PTH1R: variants seen among roughly 807,000 people sequenced by gnomAD.
PTH1R encodes parathyroid hormone 1 receptor, also known as parathyroid hormone/parathyroid hormone-related peptide receptor.
PTH1R carries 32 observed loss-of-function variants against 70.7 expected under a neutral mutation model. That is an observed-to-expected ratio of 0.45 (90% confidence interval 0.34 to 0.61). PTH1R has a LOEUF of 0.61. Ranked by LOEUF, PTH1R falls within the 20% of genes least tolerant of loss-of-function variation. The pLI is 0.01. For missense variants in PTH1R, 626 were observed against 792.5 expected, an observed-to-expected ratio of 0.79 and a Z score of 2.52; for synonymous variants, 329 against 324.8, an observed-to-expected ratio of 1.01 and a Z score of -0.14.
chr3:46,900,894 G>T, intron 10 of PTH1R, 131 bp from the exon 11 acceptor site: 2 of 1,008,996 alleles, frequency 2.0e-6, no homozygotes, highest in Admixed American at 4.0e-5. Context: ...CTGTCACCAA[G>T]TGGACCAAGT....
Position 46,901,855 on chromosome 3 carries a change from G to A in PTH1R, c.1206G>A (p.Gln402=). The A allele has an allele frequency of 1.2e-6, 2 of 1,613,364 alleles. No homozygotes were observed. Among genetic ancestry groups the A allele is most frequent in the Non-Finnish European group, 1.7e-6 (2 of 1,179,606 alleles). Residue 402 remains glutamine, a synonymous_variant, in exon 13 of 16, where the codon CAG becomes CAA. Transcript: ENST00000449590. The surrounding 1 kb of genome is among the most constrained non-coding windows in gnomAD (Gnocchi z 7.3). Reference sequence around the variant, plus strand: ...CCGGCCGGTGTGACACACGGCAGCAGTACCGGTGAGCCCACCATGCCTGCC... The same window carrying A: ...CCGGCCGGTGTGACACACGGCAGCAATACCGGTGAGCCCACCATGCCTGCC... ...TNAGRCDTRQ[Q]YRKLLKSTLV...
Position 46,893,705 on chromosome 3 carries a change from C to A in PTH1R, c.76-202C>A, listed in dbSNP as rs796473065. On this transcript the variant is annotated intron_variant, in intron 3 of 15. Coordinates refer to ENST00000449590, the MANE Select transcript of PTH1R (RefSeq NM_000316.3). This position sits in a 1 kb window ranked among gnomAD's most constrained non-coding sequence, Gnocchi z 5.2. ...TGCTTTTTCCCTTCGATCAGGCAGG[C>A]CCTACCCCTCAGAGCCACAGCTTCC... Among the ~76,000 whole-genome samples, 1 of 152,198 alleles carries A rather than the reference C, an allele frequency of 6.6e-6. No individual in the cohort carries two copies. Among genetic ancestry groups the A allele is most frequent in the African/African-American group, 2.4e-5 (1 of 41,442 alleles).
intron 2 of PTH1R, among the ~76,000 whole-genome samples, chr3:46,881,636 A>T (rs2030573175): frequency 6.6e-6 from 1 of 151,424 alleles, no homozygotes; most frequent in South Asian, 2.1e-4. Context: ...GTGGCTGCAG[A>T]CCTGGGCGGG....
At position 46,902,933 on chromosome 3, in the gene PTH1R, G is replaced by T; in HGVS notation, c.1395+143G>T. On this transcript the variant is annotated intron_variant, in intron 15 of 15. Transcript: ENST00000449590. This position sits in a 1 kb window ranked among gnomAD's most constrained non-coding sequence, Gnocchi z 5.4. ...CTGAGGACATTCTGAAAGCAGAGAAGTCTTTCCAGATGATGCAGGTTCAGG... is the reference window on the plus strand; with the variant it reads ...CTGAGGACATTCTGAAAGCAGAGAATTCTTTCCAGATGATGCAGGTTCAGG... 1 of 1,280,278 alleles carries T rather than the reference G, an allele frequency of 7.8e-7. No homozygotes were observed. 79.3% of individuals were successfully genotyped at this position (1,280,278 alleles called of 1,614,324 possible).
At chr3:46,887,602 G>A (rs528159193) in intron 3 of PTH1R, among the ~76,000 whole-genome samples, 1 of 152,136 alleles carries the variant, frequency 6.6e-6, no homozygotes, top group African/African-American at 2.4e-5. Flanking sequence ...TCCTCTTTCT[G>A]TGTGTTTCCA....
rs1307283555 is a variant in PTH1R, at chr3:46,882,737, C to G, written c.-48-775C>G. ...CCGCTGGAAGAACTGAGGCCAAGGC[C>G]GGGGGAGCTAGAGACGGACTGACAG... On this transcript the variant is annotated intron_variant, in intron 2 of 15. Coordinates refer to ENST00000449590, the MANE Select transcript of PTH1R (RefSeq NM_000316.3). This position sits in a 1 kb window ranked among gnomAD's most constrained non-coding sequence, Gnocchi z 4.3. Among the ~76,000 whole-genome samples the G allele has an allele frequency of 1.3e-5, 2 of 152,020 alleles. No individual in the cohort carries two copies. The highest frequency in any genetic ancestry group is 2.9e-5 in the Non-Finnish European group (2 of 67,986).
At position 46,892,653 on chromosome 3, in the gene PTH1R, C is replaced by A. The variant is rs1411013788; in HGVS notation, c.76-1254C>A. 2.4e-6 allele frequency: 2 copies of A among 823,334 alleles called. No homozygotes were observed. The highest frequency in any genetic ancestry group is 2.5e-4 in the East Asian group (2 of 8,066). 51.0% of individuals were successfully genotyped at this position (823,334 alleles called of 1,614,324 possible). A position where few individuals can be genotyped will look rare whatever the true frequency, so the allele number is the denominator to read the frequency against. ...TCTGACCCGGCCTGCCCGCCCCTCT[C>A]GCCGGTGCCCGCCCCATGCCCGACC... On this transcript the variant is annotated intron_variant, in intron 3 of 15. Coordinates refer to ENST00000449590, the MANE Select transcript of PTH1R (RefSeq NM_000316.3). This position sits in a 1 kb window ranked among gnomAD's most constrained non-coding sequence, Gnocchi z 5.2.
chr3:46,903,476 G>A lies in PTH1R; in HGVS notation c.1602G>A (p.Leu534=). The change falls in exon 16 of 16, where the codon CTG becomes CTA. Residue 534 remains leucine, a synonymous_variant. Coordinates refer to ENST00000449590, the MANE Select transcript of PTH1R (RefSeq NM_000316.3). This position sits in a 1 kb window ranked among gnomAD's most constrained non-coding sequence, Gnocchi z 4.4. ...CCACCACCAACGGCCACCCTCAGCT[G>A]CCTGGCCATGCCAAGCCAGGGACCC... ...PTATTNGHPQ[L]PGHAKPGTPA... is the part of the protein sequence containing the mutation. 1 of 1,613,678 alleles carries A rather than the reference G, an allele frequency of 6.2e-7. No homozygotes were observed. The highest frequency in any genetic ancestry group is 1.3e-5 in the African/African-American group (1 of 75,066).
rs201475759 is a variant in PTH1R at position 46,893,982 on chromosome 3, C to T, written c.151C>T (p.Arg51Trp). The stretch of plus-strand genomic sequence containing the variant: ...CCGTGCTCAGGCCCAGTGCGAAAAA[C>T]GGCTCAAGGAGGTCCTGCAGAGGCC... ...LHRAQAQCEK[R>W]LKEVLQRPAS... The change falls in exon 4 of 16, where the codon CGG (arginine) becomes TGG (tryptophan). Residue 51 changes from arginine (R) to tryptophan (W), a missense_variant. This residue lies in a region of PTH1R where 123 missense variants were observed against 125.7 expected (regional missense o/e 0.98). Transcript: ENST00000449590. This position sits in a 1 kb window ranked among gnomAD's most constrained non-coding sequence, Gnocchi z 5.2. 29 of 1,614,102 alleles carry T rather than the reference C, an allele frequency of 1.8e-5. No individual in the cohort carries two copies. The highest frequency in any genetic ancestry group is 2.2e-5 in the Non-Finnish European group (26 of 1,179,994).
chr3:46,898,509 G>C (rs1347259816), intron 8 of PTH1R, 37 bp downstream of exon 8: 1 of 1,609,574 alleles, frequency 6.2e-7, no homozygotes, highest in South Asian at 1.1e-5. Flanking sequence ...GGGACATGGT[G>C]GAGGGGGGGC....
At chr3:46,887,777 A>G (rs2031131620) in intron 3 of PTH1R, among the ~76,000 whole-genome samples, 1 of 152,216 alleles carries the variant, frequency 6.6e-6, no homozygotes, top group African/African-American at 2.4e-5. Context: ...ATATGAATCT[A>G]TATTTTTAAA....
At chr3:46,895,989 C>T in intron 5 of PTH1R, 120 bp downstream of exon 5, 4 of 1,307,372 alleles carry the variant, frequency 3.1e-6, no homozygotes, top group Non-Finnish European at 4.3e-6. Context: ...AAGGCTGCAG[C>T]CACATCCCCA....
intron 3 of PTH1R, among the ~76,000 whole-genome samples, chr3:46,890,280 G>T (rs984346207): frequency 6.6e-6 from 1 of 152,010 alleles, no homozygotes; most frequent in Non-Finnish European, 1.5e-5. Context: ...TCACCTGCTG[G>T]ACTCAGCCAT....
rs577419212 is a variant in PTH1R at position 46,899,190 on chromosome 3, T to C, written c.835-113T>C. The stretch of plus-strand genomic sequence containing the variant: ...CCCCCAAACGAAGCCTGCCCCTTCC[T>C]GGCCTGTTTGGCCGGCACCACTTGT... On this transcript the variant is annotated intron_variant, in intron 9 of 15. Coordinates refer to ENST00000449590, the MANE Select transcript of PTH1R (RefSeq NM_000316.3). 20 of 1,439,382 alleles carry C rather than the reference T, an allele frequency of 1.4e-5. No individual in the cohort carries two copies. The African/African-American group carries it at 2.5e-4, about 18-fold the overall frequency. 89.2% of individuals were successfully genotyped at this position (1,439,382 alleles called of 1,614,324 possible). A position where few individuals can be genotyped will look rare whatever the true frequency, so the allele number is the denominator to read the frequency against.
intron 5 of PTH1R, 83 bp downstream of exon 5, chr3:46,895,952 A>C: frequency 9.4e-5 from 142 of 1,515,178 alleles, no homozygotes; most frequent in Non-Finnish European, 1.2e-4. Context: ...ATGTGAGCTC[A>C]TGCTTCTTGG....
chr3:46,880,186 C>T (rs909887833), intron 1 of PTH1R: 3 of 152,196 alleles, frequency 2.0e-5, no homozygotes, highest in Non-Finnish European at 2.9e-5. Flanking sequence ...TCACAACCTC[C>T]CTCCCCAGTA....
rs572343418 is a variant in PTH1R at position 46,890,947 on chromosome 3, A to G, written c.76-2960A>G. ...AGAATCTCCTTGAAGAGGAGGGCAC[A>G]GCTGGAGGGAGGAGTGAACAGGAGT... is the stretch of plus-strand genomic sequence containing the variant. On this transcript the variant is annotated intron_variant, in intron 3 of 15. Transcript: ENST00000449590. Among the ~76,000 whole-genome samples, 5 of 152,332 alleles carry G rather than the reference A, an allele frequency of 3.3e-5. No homozygotes were observed. In the South Asian group the frequency reaches 1.0e-3, roughly 32 times the overall value.
intron 9 of PTH1R, 57 bp downstream of exon 9, chr3:46,898,914 G>T: frequency 8.2e-7 from 1 of 1,224,822 alleles, no homozygotes; most frequent in Non-Finnish European, 1.1e-6. Flanking sequence ...GTGGGGCCCC[G>T]CCCCGCCCCG....
intron 5 of PTH1R, among the ~76,000 whole-genome samples, chr3:46,897,247 CT>C (rs2031806189): frequency 6.6e-6 from 1 of 152,256 alleles, no homozygotes; most frequent in South Asian, 2.1e-4. Context: ...GTTGTATGAC[CT>C]CAGCAAGTTG....
Sources: allele counts gnomAD v4.1 joint callset (sites outside exome capture counted in the v4.1 genomes callset), GRCh38; gene constraint gnomAD v4.1.1; regional missense constraint gnomAD v4.1.1; non-coding constraint Gnocchi (gnomAD v3.1); transcripts MANE v1.5; gene names NCBI Gene and HGNC (gene_info 2026-07-23, HGNC 2026-07-21).